Variants in CEP162 observed in about 807,000 individuals in gnomAD.
The protein encoded by CEP162 is centrosomal protein of 162 kDa.
Under a neutral mutation model 169.2 loss-of-function variants are expected in CEP162, and 141 were observed. The observed-to-expected ratio is 0.83, with a 90% CI of 0.73 to 0.96. The LOEUF (loss-of-function observed/expected upper bound fraction) is 0.96. Among genes scored for constraint, CEP162 ranks in the 40% least tolerant of loss-of-function variants. The probability of loss-of-function intolerance (pLI) is 0.00; values close to 1 mark genes in which losing one functional copy is unlikely to be tolerated. For synonymous variants in CEP162, 540 were observed against 526.4 expected (o/e 1.03, Z -0.35); for missense variants, 1,600 against 1,587.2 (o/e 1.01, Z -0.14).
intron 6 of CEP162, among the ~76,000 whole-genome samples, chr6:84,205,638 C>A (rs1020373495): frequency 3.3e-5 from 5 of 152,228 alleles, no homozygotes; most frequent in South Asian, 4.1e-4. Flanking sequence ...AAGCTGGAAG[C>A]ATTCCCTTTG....
At chr6:84,181,546 C>T (rs2099534832) in intron 13 of CEP162, among the ~76,000 whole-genome samples, 1 of 152,058 alleles carries the variant, frequency 6.6e-6, no homozygotes, top group Admixed American at 6.6e-5. Context: ...TATCCTTTTA[C>T]ACATGAAAAA....
rs749542403 is a variant in CEP162 at position 84,185,394 on chromosome 6, C to T, written c.1456G>A (p.Val486Ile). ...GCACTTCTGGCCTTCTTGTATGGTACCTGTTTACCCATTACAGCCCCTTCT... is the reference window on the plus strand; with the variant it reads ...GCACTTCTGGCCTTCTTGTATGGTATCTGTTTACCCATTACAGCCCCTTCT... ...EEEGAVMGKQ[V>I]PYKKARSAPP... Residue 486 changes from valine (V) to isoleucine (I), a missense_variant, in exon 13 of 27, where the codon GTA (valine) becomes ATA (isoleucine). Val to Ile is a conservative substitution (Grantham distance 29, BLOSUM62 3). Transcript: ENST00000403245. The T allele has an allele frequency of 2.0e-5, 33 of 1,613,366 alleles. No individual in the cohort carries two copies. The highest frequency in any genetic ancestry group is 2.7e-5 in the Non-Finnish European group (32 of 1,179,456).
At chr6:84,182,526 A>G (rs1357822104) in intron 13 of CEP162, among the ~76,000 whole-genome samples, 1 of 152,114 alleles carries the variant, frequency 6.6e-6, no homozygotes, top group Non-Finnish European at 1.5e-5. Flanking sequence ...CCTGAGCAGC[A>G]ACGTACATAA....
intron 15 of CEP162, 126 bp from the exon 16 acceptor site, chr6:84,174,314 T>C (rs1338729671): frequency 2.5e-6 from 2 of 799,716 alleles, no homozygotes; most frequent in African/African-American, 3.5e-5. Flanking sequence ...TATTAGAATG[T>C]GACATAACTA....
At chr6:84,175,020 A>G in intron 14 of CEP162, 66 bp from the exon 15 acceptor site, 1 of 1,123,998 alleles carries the variant, frequency 8.9e-7, no homozygotes. Flanking sequence ...CAGGTGGTTA[A>G]TTAAAAAAAG....
At chr6:84,213,747 G>A (rs1439688700) in intron 5 of CEP162, among the ~76,000 whole-genome samples, 1 of 152,126 alleles carries the variant, frequency 6.6e-6, no homozygotes, top group Non-Finnish European at 1.5e-5. Flanking sequence ...ATACTGTTAA[G>A]AAATAAGAAA....
chr6:84,164,308 A>G (rs2099526914), intron 18 of CEP162, among the ~76,000 whole-genome samples: 4 of 152,244 alleles, frequency 2.6e-5, no homozygotes, highest in African/African-American at 9.6e-5. Context: ...TCAAGGATCT[A>G]GAACTAGAAA....
intron 16 of CEP162, among the ~76,000 whole-genome samples, chr6:84,173,672 G>A (rs1259013009): frequency 1.3e-5 from 2 of 148,876 alleles, no homozygotes; most frequent in East Asian, 3.9e-4. Context: ...AAGCAGAGAA[G>A]TATTTTAATA....
At chr6:84,153,524 C>T (rs866449449) in intron 22 of CEP162, among the ~76,000 whole-genome samples, 2 of 152,100 alleles carry the variant, frequency 1.3e-5, no homozygotes, top group Non-Finnish European at 1.5e-5. Flanking sequence ...ACACACTCTT[C>T]GAGGATAAAC....
intron 11 of CEP162, among the ~76,000 whole-genome samples, chr6:84,190,480 T>A (rs2099539398): frequency 6.6e-6 from 1 of 152,126 alleles, no homozygotes; most frequent in African/African-American, 2.4e-5. Context: ...TGCTCACTCT[T>A]CGGGTCCACG....
intron 19 of CEP162, among the ~76,000 whole-genome samples, chr6:84,162,262 A>G (rs2099526083): frequency 6.6e-6 from 1 of 152,222 alleles, no homozygotes; most frequent in African/African-American, 2.4e-5. Context: ...AAGAACGCCC[A>G]TAATTATACT....
chr6:84,211,951 C>T (rs560492494), intron 6 of CEP162, among the ~76,000 whole-genome samples: 3 of 145,228 alleles, frequency 2.1e-5, no homozygotes, highest in African/African-American at 5.0e-5. Context: ...ATGATATATA[C>T]AAAATCACAA....
At chr6:84,167,065 T>A (rs2099528126) in intron 18 of CEP162, among the ~76,000 whole-genome samples, 1 of 152,328 alleles carries the variant, frequency 6.6e-6, no homozygotes, top group South Asian at 2.1e-4. Context: ...ATGTGGACTT[T>A]TACTCATTTA....
chr6:84,135,752 A>C (rs2099513788), intron 25 of CEP162, among the ~76,000 whole-genome samples: 1 of 152,082 alleles, frequency 6.6e-6, no homozygotes, highest in South Asian at 2.1e-4. Flanking sequence ...AATCCCAGCT[A>C]CTCAGGAAGC....
chr6:84,168,954 A>G (rs2099528890), intron 18 of CEP162, among the ~76,000 whole-genome samples: 1 of 152,164 alleles, frequency 6.6e-6, no homozygotes, highest in Non-Finnish European at 1.5e-5. Flanking sequence ...TTATCTCCAA[A>G]TTACACTATT....
intron 26 of CEP162, among the ~76,000 whole-genome samples, chr6:84,125,791 C>T (rs2099508706): frequency 1.3e-5 from 2 of 152,108 alleles, no homozygotes; most frequent in Admixed American, 1.3e-4. Flanking sequence ...GACTTCTGGC[C>T]TACAGAACTG....
intron 17 of CEP162, among the ~76,000 whole-genome samples, chr6:84,170,552 T>C (rs575940374): frequency 6.6e-6 from 1 of 152,258 alleles, no homozygotes; most frequent in South Asian, 2.1e-4. Context: ...CAGATCAGTA[T>C]GAGCTATTAT....
chr6:84,215,141 T>A, intron 5 of CEP162, 141 bp downstream of exon 5: 1 of 474,688 alleles, frequency 2.1e-6, no homozygotes. Flanking sequence ...ACCCTAACTA[T>A]AAAATGAACA....
Position 84,185,344 on chromosome 6 carries a change from G to C in CEP162, c.1506C>G (p.Pro502=), listed in dbSNP as rs1166928417. 2 of 1,613,508 alleles carry C rather than the reference G, an allele frequency of 1.2e-6. No individual in the cohort carries two copies. Among genetic ancestry groups the C allele is most frequent in the Non-Finnish European group, 1.7e-6 (2 of 1,179,710 alleles). ...RSAPPLLKRK[P]QSGLYASVRS... ...TAACTGACGCATATAATCCACTCTGGGGTTTCCTTTTAAGTAAAGGAGGTG... is the reference window on the plus strand; with the variant it reads ...TAACTGACGCATATAATCCACTCTGCGGTTTCCTTTTAAGTAAAGGAGGTG... The change falls in exon 13 of 27, where the codon CCC becomes CCG. Residue 502 remains proline, a synonymous_variant. Transcript: ENST00000403245.
Sources: gnomAD v4.1 joint callset for allele counts (sites outside exome capture counted in the v4.1 genomes callset) on GRCh38, gnomAD v4.1.1 for gene constraint, MANE v1.5 for transcripts, NCBI Gene and HGNC (gene_info 2026-07-23, HGNC 2026-07-21) for gene names.